Variants in ADAM28 observed in about 807,000 individuals in gnomAD.
ADAM28 encodes ADAM metallopeptidase domain 28, also known as disintegrin and metalloproteinase domain-containing protein 28.
A neutral mutation model predicts 101.2 loss-of-function variants in ADAM28; 105 were observed. That is an observed-to-expected ratio of 1.04 (90% CI 0.89 to 1.22). The LOEUF (loss-of-function observed/expected upper bound fraction) is 1.22. ADAM28 is among the 50% of genes most tolerant of loss of function. ADAM28 has a pLI of 0.00. For missense variants in ADAM28, 1,028 were observed against 945.4 expected (o/e 1.09, Z -1.15); for synonymous variants, 322 against 310.6 (o/e 1.04, Z -0.39).
At chr8:24,316,407 C>T (rs1007978607) in intron 6 of ADAM28, among the ~76,000 whole-genome samples, 13 of 151,942 alleles carry the variant, frequency 8.6e-5, no homozygotes, top group African/African-American at 2.7e-4. Context: ...TAATCATAGG[C>T]TTTCAGCAAC....
intron 2 of ADAM28, among the ~76,000 whole-genome samples, chr8:24,306,793 C>T (rs905257775): frequency 3.3e-5 from 5 of 152,132 alleles, no homozygotes; most frequent in African/African-American, 1.2e-4. Flanking sequence ...ACCCTGTGAG[C>T]ATCCAGAACT....
intron 8 of ADAM28, among the ~76,000 whole-genome samples, chr8:24,322,330 G>A (rs775020626): frequency 3.3e-5 from 5 of 151,920 alleles, no homozygotes; most frequent in African/African-American, 1.2e-4. Context: ...TAGGTGAGGC[G>A]ATAAGCCAAT....
chr8:24,353,966 T>C (rs1816481321), intron 22 of ADAM28, 134 bp downstream of exon 22: 1 of 572,494 alleles, frequency 1.7e-6, no homozygotes, highest in African/African-American at 1.9e-5. Flanking sequence ...GGTGCCAACA[T>C]GAAAGTCTTA....
rs189886024 is a variant in ADAM28 at position 24,357,562 on chromosome 8, G to T, written c.*3158G>T. 2.6e-5 allele frequency: 4 copies of T among 151,980 alleles called. No homozygotes were observed. Among genetic ancestry groups the T allele is most frequent in the African/African-American group, 9.7e-5 (4 of 41,374 alleles). The allele number at this position is 151,980 out of a possible 1,614,324, so 9.4% of individuals were successfully genotyped here. A position where few individuals can be genotyped will look rare whatever the true frequency, so the allele number is the denominator to read the frequency against. ...AGATCTCTTGAGAGCTTACTATCTC[G>T]ACAAAAGCATGGGGGAAACCACCCC... On this transcript the variant is annotated 3_prime_UTR_variant, in exon 23 of 23. Transcript: ENST00000265769.
At chr8:24,311,683 G>A (rs1455924750) in intron 5 of ADAM28, among the ~76,000 whole-genome samples, 2 of 152,110 alleles carry the variant, frequency 1.3e-5, no homozygotes, top group African/African-American at 2.4e-5. Flanking sequence ...TTGAATCCCA[G>A]TTCTGGAGTC....
chr8:24,335,180 G>A lies in ADAM28; in HGVS notation c.1372-266G>A, dbSNP rs181455421. Among the ~76,000 whole-genome samples, 70 of 146,040 alleles carry A rather than the reference G, an allele frequency of 4.8e-4. 1 individual carries two copies. The East Asian group carries it at 5.5e-3, about 12-fold the overall frequency. ...AGTTGTTGCCTGTTTTTTTTTTTTCGTCCTGTACTTTTCTACATTATGTTT... is the reference window on the plus strand; with the variant it reads ...AGTTGTTGCCTGTTTTTTTTTTTTCATCCTGTACTTTTCTACATTATGTTT... On this transcript the variant is annotated intron_variant, in intron 13 of 22. Transcript: ENST00000265769.
At chr8:24,331,607 A>G (rs1813373536) in intron 12 of ADAM28, among the ~76,000 whole-genome samples, 1 of 152,048 alleles carries the variant, frequency 6.6e-6, no homozygotes, top group African/African-American at 2.4e-5. Context: ...TTTCTAAGTG[A>G]AATACTTGAA....
At chr8:24,304,372 G>A (rs955694801) in intron 2 of ADAM28, among the ~76,000 whole-genome samples, 9 of 151,804 alleles carry the variant, frequency 5.9e-5, no homozygotes, top group African/African-American at 2.2e-4. Context: ...GATCCATAGT[G>A]CAAGTATATA....
Position 24,300,083 on chromosome 8 carries a change from G to C in ADAM28, c.150+6G>C. On this transcript the variant is annotated splice_donor_region_variant and intron_variant, in intron 2 of 22. Coordinates refer to ENST00000265769, the MANE Select transcript of ADAM28 (RefSeq NM_014265.6). Reference sequence around the variant, plus strand: ...CCAAAGAGCCAGAGCAACAGGTACAGCTTTTGATTTATCAAAGGATCTTGA... The same window carrying C: ...CCAAAGAGCCAGAGCAACAGGTACACCTTTTGATTTATCAAAGGATCTTGA... 1 of 1,607,334 alleles carries C rather than the reference G, an allele frequency of 6.2e-7. No homozygotes were observed. Among genetic ancestry groups the C allele is most frequent in the East Asian group, 2.2e-5 (1 of 44,824 alleles).
At chr8:24,319,408 C>T (rs1585597806) in intron 6 of ADAM28, among the ~76,000 whole-genome samples, 1 of 152,114 alleles carries the variant, frequency 6.6e-6, no homozygotes, top group East Asian at 1.9e-4. Context: ...GGTGATTTCA[C>T]TACTGCATTT....
intron 1 of ADAM28, 121 bp from the exon 2 acceptor site, chr8:24,299,853 A>G (rs1158497341): frequency 2.9e-6 from 2 of 678,264 alleles, no homozygotes; most frequent in Non-Finnish European, 5.0e-6. Context: ...TCACTCTGAC[A>G]TTCATCACTT....
chr8:24,350,115 A>G, intron 19 of ADAM28, 143 bp downstream of exon 19: 1 of 669,810 alleles, frequency 1.5e-6, no homozygotes, highest in East Asian at 3.0e-5. Flanking sequence ...TTTTTGGACG[A>G]GAAACTGGGT....
chr8:24,342,636 G>A (rs1021385466), intron 16 of ADAM28, among the ~76,000 whole-genome samples: 3 of 151,980 alleles, frequency 2.0e-5, no homozygotes, highest in South Asian at 2.1e-4. Context: ...ATTTAACTGC[G>A]TTTTCCAGGT....
chr8:24,317,426 A>G (rs528867483), intron 6 of ADAM28, among the ~76,000 whole-genome samples: 101 of 152,188 alleles, frequency 6.6e-4, no homozygotes, highest in Admixed American at 1.4e-3. Flanking sequence ...AAAAAGACAC[A>G]CTGGGGAAAG....
chr8:24,335,862 GTTTTTTGTTAA>G, intron 14 of ADAM28: 1 of 1,231,362 alleles, frequency 8.1e-7, no homozygotes, highest in Non-Finnish European at 1.0e-6. Flanking sequence ...AAATTAACAA[GTTTTTTGTTAA>G]TTTTTTGTTT....
chr8:24,354,664 G>T lies in ADAM28; in HGVS notation c.*260G>T. ...AAGATGATTGTAAAGAAATATCTCCGAAGTTAAAATCTGTAATAGGAATTG... is the reference window on the plus strand; with the variant it reads ...AAGATGATTGTAAAGAAATATCTCCTAAGTTAAAATCTGTAATAGGAATTG... On this transcript the variant is annotated 3_prime_UTR_variant, in exon 23 of 23. Transcript: ENST00000265769. 1 of 336,384 alleles carries T rather than the reference G, an allele frequency of 3.0e-6. No homozygotes were observed. Among genetic ancestry groups the T allele is most frequent in the South Asian group, 6.8e-5 (1 of 14,732 alleles). 20.8% of individuals were successfully genotyped at this position (336,384 alleles called of 1,614,324 possible).
At chr8:24,307,963 A>G (rs551650928) in intron 2 of ADAM28, among the ~76,000 whole-genome samples, 1 of 152,318 alleles carries the variant, frequency 6.6e-6, no homozygotes, top group Admixed American at 6.5e-5. Context: ...TGTGTATTCT[A>G]CGGCTGCCCT....
In ADAM28 at chr8:24,313,519, A is replaced by T. The variant is rs1354251990; in HGVS notation, c.515A>T (p.Asp172Val). The T allele has an allele frequency of 6.2e-7, 1 of 1,613,898 alleles. No individual in the cohort carries two copies. The highest frequency in any genetic ancestry group is 8.5e-7 in the Non-Finnish European group (1 of 1,179,872). ...AATTATGACAGCACCTGTGGGATGGATGGTGTGTTGTGGGCCCACGATTTG... is the reference window on the plus strand; with the variant it reads ...AATTATGACAGCACCTGTGGGATGGTTGGTGTGTTGTGGGCCCACGATTTG... The part of the protein sequence containing the change: ...EKNYDSTCGM[D>V]GVLWAHDLQQ... The change falls in exon 6 of 23, where the codon GAT becomes GTT. Residue 172 changes from aspartate to valine, a missense_variant. Physicochemically the swap from Asp to Val is radical, Grantham distance 152 (BLOSUM62 -3). Coordinates refer to ENST00000265769, the MANE Select transcript of ADAM28 (RefSeq NM_014265.6).
intron 16 of ADAM28, among the ~76,000 whole-genome samples, chr8:24,342,559 C>A (rs1037630649): frequency 6.6e-6 from 1 of 152,136 alleles, no homozygotes; most frequent in African/African-American, 2.4e-5. Context: ...TAAACTTATT[C>A]TTTTCCCCCA....
Sources: allele counts gnomAD v4.1 joint callset (sites outside exome capture counted in the v4.1 genomes callset), GRCh38; gene constraint gnomAD v4.1.1; transcripts MANE v1.5; gene names NCBI Gene and HGNC (gene_info 2026-07-23, HGNC 2026-07-21).